Variants in HMCN1 observed in about 807,000 individuals in gnomAD.
HMCN1 encodes hemicentin-1.
In HMCN1, 321 loss-of-function variants were observed where a neutral mutation model predicts 625.9. The ratio of observed to expected loss-of-function variants is 0.51; its 90% CI spans 0.47 to 0.56. The LOEUF is 0.56. Among genes scored for constraint, HMCN1 ranks in the 20% least tolerant of loss-of-function variants. The pLI, the probability that HMCN1 is intolerant of heterozygous loss-of-function variation, is 0.00. For synonymous variants in HMCN1, 2,425 were observed against 2,417.6 expected (o/e 1.00, Z -0.09); for missense variants, 6,588 against 6,887.3 (o/e 0.96, Z 1.54).
At position 186,087,522 on chromosome 1, in the gene HMCN1, G is replaced by A. The variant is rs751644894; in HGVS notation, c.9240G>A (p.Glu3080=). Residue 3080 remains glutamate (E), a synonymous_variant, in exon 60 of 107, where the codon GAG becomes GAA. Coordinates refer to ENST00000271588, the MANE Select transcript of HMCN1 (RefSeq NM_031935.3). ...NVREGTSVSL[E]CESNAVPPPV... ...GAGAGGGAACTTCTGTGTCTTTGGA[G>A]TGTGAGTCGAACGCTGTGCCACCTC... is the stretch of plus-strand genomic sequence containing the variant. The A allele has an allele frequency of 2.5e-6, 4 of 1,613,364 alleles. No individual in the cohort carries two copies. Among genetic ancestry groups the A allele is most frequent in the Middle Eastern group, 1.7e-4 (1 of 6,054 alleles).
rs996990723 is a variant in HMCN1, at chr1:186,003,660, C to A, written c.4349-58C>A. 3.8e-6 allele frequency: 6 copies of A among 1,572,302 alleles called. No homozygotes were observed. In the African/African-American group the frequency reaches 6.8e-5, roughly 18 times the overall value. On this transcript the variant is annotated intron_variant, in intron 28 of 106. Coordinates refer to ENST00000271588, the MANE Select transcript of HMCN1 (RefSeq NM_031935.3). ...AGAAATCATTGACTGCTTTCTAACC[C>A]CATGCCTGCTCTTTTTGCTGAGTAA...
At chr1:186,171,214 A>G in intron 100 of HMCN1, 123 bp from the exon 101 acceptor site, 1 of 733,028 alleles carries the variant, frequency 1.4e-6, no homozygotes, top group Non-Finnish European at 2.4e-6. Context: ...AGTGCAATAT[A>G]TTGGATAGGT....
chr1:185,785,848 T>C (rs1657530534), intron 1 of HMCN1, among the ~76,000 whole-genome samples: 1 of 152,210 alleles, frequency 6.6e-6, no homozygotes, highest in Non-Finnish European at 1.5e-5. Flanking sequence ...TTTAGTGGGA[T>C]ATTTTAAAAA....
At chr1:186,061,436 C>A (rs1470348666) in intron 46 of HMCN1, among the ~76,000 whole-genome samples, 1 of 152,092 alleles carries the variant, frequency 6.6e-6, no homozygotes, top group Non-Finnish European at 1.5e-5. Context: ...CCAGGTCCCT[C>A]CCTTGACCTC....
intron 36 of HMCN1, among the ~76,000 whole-genome samples, chr1:186,037,240 T>A (rs182119360): frequency 5.3e-5 from 8 of 152,288 alleles, no homozygotes; most frequent in Non-Finnish European, 1.2e-4. Flanking sequence ...TGTAATTTTT[T>A]AATCCTGGAT....
intron 86 of HMCN1, 57 bp from the exon 87 acceptor site, chr1:186,136,611 T>A: frequency 1.3e-6 from 2 of 1,501,704 alleles, no homozygotes; most frequent in Non-Finnish European, 1.8e-6. Flanking sequence ...TAATACATGA[T>A]AAAAAAAAAT....
At chr1:185,871,985 C>T (rs1274240988) in intron 4 of HMCN1, among the ~76,000 whole-genome samples, 3 of 152,218 alleles carry the variant, frequency 2.0e-5, no homozygotes, top group African/African-American at 4.8e-5. Flanking sequence ...CAAAACCTTA[C>T]TGCTGACCTT....
chr1:186,113,840 C>G (rs1359254664), intron 72 of HMCN1, 139 bp from the exon 73 acceptor site: 3 of 953,262 alleles, frequency 3.1e-6, no homozygotes, highest in Non-Finnish European at 5.0e-6. Context: ...AACCTCAATT[C>G]TACTTATACT....
chr1:186,071,230 C>T (rs1373077199), intron 52 of HMCN1, among the ~76,000 whole-genome samples: 1 of 152,096 alleles, frequency 6.6e-6, no homozygotes, highest in South Asian at 2.1e-4. Context: ...ACTAAAGTTA[C>T]TCAGATATTC....
chr1:185,742,067 A>G (rs575280699), intron 1 of HMCN1, among the ~76,000 whole-genome samples: 1 of 152,372 alleles, frequency 6.6e-6, no homozygotes, highest in East Asian at 1.9e-4. Flanking sequence ...GTATTTTATG[A>G]ATACAAATAA....
chr1:185,977,816 G>T lies in HMCN1; in HGVS notation c.2401G>T (p.Asp801Tyr). ...TCCAGTTTTCATACAAGAACCTGCTGATGTGTCTATGGAAATTGGCTCAAA... is the reference window on the plus strand; with the variant it reads ...TCCAGTTTTCATACAAGAACCTGCTTATGTGTCTATGGAAATTGGCTCAAA... Reference protein sequence around the residue: ...SPPVFIQEPADVSMEIGSNVT... With the variant: ...SPPVFIQEPAYVSMEIGSNVT... The change falls in exon 16 of 107, where the codon GAT (aspartate) becomes TAT (tyrosine). Residue 801 changes from aspartate (D) to tyrosine (Y), a missense_variant. Transcript: ENST00000271588. 6.2e-7 allele frequency: 1 copy of T among 1,613,032 alleles called. No homozygotes were observed. Among genetic ancestry groups the T allele is most frequent in the African/African-American group, 1.3e-5 (1 of 75,002 alleles).
Position 186,110,977 on chromosome 1 carries a change from C to CTTTTTTTTTTTTTTTTTTTTTTTTTTTTT in HMCN1, c.10990-1814_10990-1813insTTTTTTTTTTTTTTTTTTTTTTTTTTTTT, listed in dbSNP as rs557887846. 4.5e-4 allele frequency among the ~76,000 whole-genome samples: 28 copies of CTTTTTTTTTTTTTTTTTTTTTTTTTTTTT among 61,630 alleles called. 6 individuals are homozygous for CTTTTTTTTTTTTTTTTTTTTTTTTTTTTT. Among genetic ancestry groups the CTTTTTTTTTTTTTTTTTTTTTTTTTTTTT allele is most frequent in the East Asian group, 6.2e-4 (1 of 1,622 alleles). 40.4% of individuals were successfully genotyped at this position (61,630 alleles called of 152,430 possible). A position where few individuals can be genotyped will look rare whatever the true frequency, so the allele number is the denominator to read the frequency against. On this transcript the variant is annotated intron_variant, in intron 71 of 106. Coordinates refer to ENST00000271588, the MANE Select transcript of HMCN1 (RefSeq NM_031935.3). ...TACGGAAGAAAAACCAGAGAAAATTCTTTTTTTTTTTTTTTTTTTTTGAGA... is the reference window on the plus strand; with the variant it reads ...TACGGAAGAAAAACCAGAGAAAATTCTTTTTTTTTTTTTTTTTTTTTTTTTTTTTTTTTTTTTTTTTTTTTTTTTTGAGA...
intron 11 of HMCN1, among the ~76,000 whole-genome samples, chr1:185,947,800 A>T (rs148249190): frequency 6.6e-6 from 1 of 152,216 alleles, no homozygotes; most frequent in Non-Finnish European, 1.5e-5. Flanking sequence ...ATTCATTGCC[A>T]TTTACGCTAG....
chr1:185,807,840 A>G (rs535317436), intron 1 of HMCN1, among the ~76,000 whole-genome samples: 33 of 152,298 alleles, frequency 2.2e-4, no homozygotes, highest in Non-Finnish European at 5.9e-5. Flanking sequence ...TAACTTTACT[A>G]ATTTTCTAAA....
At chr1:185,862,404 G>A (rs977098991) in intron 2 of HMCN1, among the ~76,000 whole-genome samples, 3 of 152,080 alleles carry the variant, frequency 2.0e-5, no homozygotes, top group African/African-American at 7.2e-5. Flanking sequence ...TCGAATGAAT[G>A]ACCACTGATT....
intron 97 of HMCN1, among the ~76,000 whole-genome samples, chr1:186,158,795 AT>A (rs1651222275): frequency 1.3e-5 from 2 of 152,000 alleles, no homozygotes; most frequent in Admixed American, 1.3e-4. Context: ...ATTGATCTAT[AT>A]CTCTGTTTTG....
chr1:186,109,383 A>C (rs1405634633), intron 71 of HMCN1, among the ~76,000 whole-genome samples: 4 of 152,186 alleles, frequency 2.6e-5, no homozygotes. Flanking sequence ...CTAAATCATC[A>C]TGCATATCAC....
At chr1:186,080,930 A>G (rs575438944) in intron 55 of HMCN1, among the ~76,000 whole-genome samples, 1 of 152,158 alleles carries the variant, frequency 6.6e-6, no homozygotes, top group African/African-American at 2.4e-5. Context: ...TAAAAGATAT[A>G]TTGGAGAAGA....
intron 11 of HMCN1, chr1:185,957,075 T>C (rs1223724863): frequency 1.3e-5 from 2 of 152,196 alleles, no homozygotes; most frequent in Non-Finnish European, 2.9e-5. Flanking sequence ...TACCCTTATC[T>C]ATCATGTTTC....
Sources: allele counts gnomAD v4.1 joint callset (sites outside exome capture counted in the v4.1 genomes callset), GRCh38; gene constraint gnomAD v4.1.1; transcripts MANE v1.5; gene names NCBI Gene and HGNC (gene_info 2026-07-23, HGNC 2026-07-21).